CLSTN2: variants seen among roughly 807,000 people sequenced by gnomAD.
The protein encoded by CLSTN2 is calsyntenin-2.
A neutral mutation model predicts 101.2 loss-of-function variants in CLSTN2; 48 were observed. The observed-to-expected ratio is 0.47, with a 90% CI of 0.38 to 0.60. CLSTN2 has a LOEUF of 0.60. CLSTN2 is among the 20% of genes least tolerant of loss of function. The pLI is 0.00. For synonymous variants in CLSTN2, 481 were observed against 463.6 expected, an observed-to-expected ratio of 1.04 and a Z score of -0.48; for missense variants, 1,160 against 1,238.2, an observed-to-expected ratio of 0.94 and a Z score of 0.95.
chr3:139,944,660 A>G (rs1035946994), intron 1 of CLSTN2, among the ~76,000 whole-genome samples: 1 of 152,206 alleles, frequency 6.6e-6, no homozygotes, highest in Non-Finnish European at 1.5e-5. Context: ...GGCCCAGAGC[A>G]AATGCTGAGT....
chr3:140,044,232 A>G (rs1167045422), intron 1 of CLSTN2, among the ~76,000 whole-genome samples: 2 of 152,168 alleles, frequency 1.3e-5, no homozygotes, highest in Admixed American at 6.5e-5. Flanking sequence ...TTCTCCTTGA[A>G]GTGGTCCTTC....
intron 1 of CLSTN2, among the ~76,000 whole-genome samples, chr3:139,997,038 ACT>A (rs1292574686): frequency 8.1e-6 from 1 of 122,824 alleles, no homozygotes; most frequent in African/African-American, 2.9e-5. Flanking sequence ...CAAGAGCAAG[ACT>A]CTGTCTCAAA....
chr3:140,183,608 C>T (rs984406404), intron 2 of CLSTN2, among the ~76,000 whole-genome samples: 3 of 152,142 alleles, frequency 2.0e-5, no homozygotes, highest in African/African-American at 7.2e-5. Context: ...ACAGGTGCCC[C>T]TTCTTATAGA....
At chr3:140,440,241 G>T (rs1291057101) in intron 5 of CLSTN2, among the ~76,000 whole-genome samples, 1 of 152,202 alleles carries the variant, frequency 6.6e-6, no homozygotes, top group East Asian at 1.9e-4. Flanking sequence ...AGCAGTCACA[G>T]CCCTGAGGCT....
chr3:140,475,384 A>C (rs1933960087), intron 8 of CLSTN2, among the ~76,000 whole-genome samples: 1 of 152,236 alleles, frequency 6.6e-6, no homozygotes, highest in Non-Finnish European at 1.5e-5. Context: ...CCACAAACAC[A>C]CTGATGGTTT....
chr3:140,275,333 C>T (rs1398631510), intron 2 of CLSTN2, among the ~76,000 whole-genome samples: 1 of 151,916 alleles, frequency 6.6e-6, no homozygotes, highest in Non-Finnish European at 1.5e-5. Context: ...ATTGCAGCAG[C>T]ACACTCAGAG....
At position 140,291,647 on chromosome 3, in the gene CLSTN2, G is replaced by A. The variant is rs1001783933; in HGVS notation, c.233-111982G>A. Among the ~76,000 whole-genome samples, 16 of 151,476 alleles carry A rather than the reference G, an allele frequency of 1.1e-4. No homozygotes were observed. In the East Asian group the frequency reaches 1.6e-3, roughly 15 times the overall value. ...CTGGCAACTTCCCCCATCTCCAGACGAGATCTCTCATGAACTCCAGTCCTG... is the reference window on the plus strand; with the variant it reads ...CTGGCAACTTCCCCCATCTCCAGACAAGATCTCTCATGAACTCCAGTCCTG... On this transcript the variant is annotated intron_variant, in intron 2 of 16. Transcript: ENST00000458420.
At chr3:140,034,463 G>T (rs923942646) in intron 1 of CLSTN2, among the ~76,000 whole-genome samples, 2 of 152,210 alleles carry the variant, frequency 1.3e-5, no homozygotes, top group Non-Finnish European at 2.9e-5. Context: ...AATGGGGCTT[G>T]TACTCCCCAT....
intron 2 of CLSTN2, among the ~76,000 whole-genome samples, chr3:140,232,885 C>T (rs2107861372): frequency 6.6e-6 from 1 of 152,268 alleles, no homozygotes; most frequent in East Asian, 1.9e-4. Context: ...TAGTTCAGAA[C>T]ACCAGCTCTT....
At chr3:140,339,650 G>A (rs1472014787) in intron 2 of CLSTN2, among the ~76,000 whole-genome samples, 1 of 152,172 alleles carries the variant, frequency 6.6e-6, no homozygotes, top group East Asian at 1.9e-4. Context: ...TTGAAACAGA[G>A]GCTTAGATGT....
chr3:140,103,087 G>A (rs1464690511), intron 1 of CLSTN2, among the ~76,000 whole-genome samples: 3 of 152,210 alleles, frequency 2.0e-5, no homozygotes, highest in Non-Finnish European at 1.5e-5. Context: ...ATTTAATAGT[G>A]TGCTTAAGGC....
chr3:140,467,645 C>G (rs1043533253), intron 8 of CLSTN2, among the ~76,000 whole-genome samples: 2 of 152,088 alleles, frequency 1.3e-5, no homozygotes, highest in Non-Finnish European at 1.5e-5. Context: ...TCTGGGACCC[C>G]CAGTCTTCTT....
chr3:140,484,360 T>C (rs1280170727), intron 8 of CLSTN2, among the ~76,000 whole-genome samples: 2 of 152,224 alleles, frequency 1.3e-5, no homozygotes, highest in Non-Finnish European at 2.9e-5. Flanking sequence ...CTTCCCTTTG[T>C]GGGTAACCCG....
chr3:140,145,676 C>T (rs984272693), intron 1 of CLSTN2, among the ~76,000 whole-genome samples: 8 of 152,214 alleles, frequency 5.3e-5, no homozygotes, highest in African/African-American at 1.9e-4. Flanking sequence ...CTGACCGAGA[C>T]CCCTGGTGGC....
intron 1 of CLSTN2, among the ~76,000 whole-genome samples, chr3:140,040,243 C>T (rs1404974408): frequency 6.6e-6 from 1 of 152,120 alleles, no homozygotes; most frequent in Non-Finnish European, 1.5e-5. Flanking sequence ...AATTCTCACC[C>T]TGAAACAGAT....
intron 1 of CLSTN2, among the ~76,000 whole-genome samples, chr3:140,142,237 G>C (rs188795304): frequency 1.1e-4 from 16 of 152,308 alleles, no homozygotes; most frequent in Non-Finnish European, 2.1e-4. Context: ...TGAGGGCAGG[G>C]CTCGTGGTTT....
intron 2 of CLSTN2, among the ~76,000 whole-genome samples, chr3:140,221,881 A>G (rs2086276840): frequency 6.6e-6 from 1 of 152,220 alleles, no homozygotes; most frequent in Non-Finnish European, 1.5e-5. Flanking sequence ...AAAGTAAATT[A>G]GTACAAGTAC....
intron 2 of CLSTN2, among the ~76,000 whole-genome samples, chr3:140,279,767 A>G (rs116267234): frequency 0.011 from 1,624 of 152,320 alleles, 31 homozygotes; most frequent in African/African-American, 0.036. Context: ...AAATGGGCCA[A>G]TAGCTCCTAT....
At chr3:140,098,626 C>A (rs1402956273) in intron 1 of CLSTN2, among the ~76,000 whole-genome samples, 1 of 152,124 alleles carries the variant, frequency 6.6e-6, no homozygotes, top group African/African-American at 2.4e-5. Flanking sequence ...AGATTTTATT[C>A]ATTCCCCCGG....
Sources: allele counts gnomAD v4.1 joint callset (sites outside exome capture counted in the v4.1 genomes callset), GRCh38; gene constraint gnomAD v4.1.1; transcripts MANE v1.5; gene names NCBI Gene and HGNC (gene_info 2026-07-23, HGNC 2026-07-21).